The following KCNMA1 variants were observed in gnomAD, a reference collection of about 807,000 sequenced individuals.
KCNMA1 encodes the protein Calcium-activated potassium channel subunit alpha-1.
Under a neutral mutation model 140.0 loss-of-function variants are expected in KCNMA1, and 29 were observed. The observed-to-expected ratio is 0.21, with a 90% CI of 0.15 to 0.28. The LOEUF (loss-of-function observed/expected upper bound fraction) is 0.28. Among genes scored for constraint, KCNMA1 ranks in the 10% least tolerant of loss-of-function variants. The pLI, the probability that KCNMA1 is intolerant of heterozygous loss-of-function variation, is 1.00. For missense variants in KCNMA1, 880 were observed against 1,602.2 expected, an observed-to-expected ratio of 0.55 and a Z score of 7.70; for synonymous variants, 612 against 611.9, an observed-to-expected ratio of 1.00 and a Z score of 0.00.
At position 77,108,329 on chromosome 10, in the gene KCNMA1, G is replaced by A. The variant is rs79298145; in HGVS notation, c.1223+152C>T. ...TTAAAAGTCCCGCCGAATTTATTCCGACTCAGGATGAGAGCAGCAATTTCG... is the reference window on the plus strand; with the variant it reads ...TTAAAAGTCCCGCCGAATTTATTCCAACTCAGGATGAGAGCAGCAATTTCG... On this transcript the variant is annotated intron_variant, in intron 9 of 27. Transcript: ENST00000286628. This position sits in a 1 kb window ranked among gnomAD's most constrained non-coding sequence, Gnocchi z 4.6. 918 of 1,548,290 alleles carry A rather than the reference G, an allele frequency of 5.9e-4. 1 individual carries two copies. The East Asian group carries it at 6.9e-3, about 12-fold the overall frequency.
intron 1 of KCNMA1, among the ~76,000 whole-genome samples, chr10:77,521,215 G>T (rs192357433): frequency 6.6e-6 from 1 of 152,318 alleles, no homozygotes; most frequent in East Asian, 1.9e-4. Context: ...TGTGGATAGG[G>T]TTCTAAATCA....
intron 26 of KCNMA1, among the ~76,000 whole-genome samples, chr10:76,890,143 G>A (rs1234855436): frequency 6.6e-6 from 1 of 152,176 alleles, no homozygotes; most frequent in African/African-American, 2.4e-5. Context: ...TGTTTCCCTA[G>A]GAGCCAGGGG....
chr10:77,263,413 A>G (rs1406273777), intron 2 of KCNMA1, among the ~76,000 whole-genome samples: 3 of 152,124 alleles, frequency 2.0e-5, no homozygotes, highest in African/African-American at 7.2e-5. Context: ...TGTTCCCTTC[A>G]TCCTATAACC....
intron 16 of KCNMA1, among the ~76,000 whole-genome samples, chr10:77,025,233 GGTGTGT>G (rs199865838): frequency 3.4e-5 from 2 of 59,314 alleles, no homozygotes; most frequent in Non-Finnish European, 6.3e-5. Flanking sequence ...GTTGGAGAGG[GGTGTGT>G]GTGTATATAT....
At chr10:77,043,090 G>A (rs896082769) in intron 14 of KCNMA1, among the ~76,000 whole-genome samples, 3 of 152,174 alleles carry the variant, frequency 2.0e-5, no homozygotes, top group Non-Finnish European at 2.9e-5. Context: ...ACTGAAAGTC[G>A]TATAACTGGA....
chr10:76,913,226 TAGA>T (rs2051101561), intron 24 of KCNMA1: 2 of 152,228 alleles, frequency 1.3e-5, no homozygotes. Flanking sequence ...TGTCTCTATT[TAGA>T]AGATCAATCC....
intron 2 of KCNMA1, chr10:77,315,585 AT>A (rs1439654189): frequency 6.6e-6 from 1 of 152,190 alleles, no homozygotes; most frequent in East Asian, 1.9e-4. Flanking sequence ...AGTAGCATCA[AT>A]TTACTGGAGA....
intron 2 of KCNMA1, among the ~76,000 whole-genome samples, chr10:77,366,867 G>A (rs911440052): frequency 1.3e-5 from 2 of 152,178 alleles, no homozygotes; most frequent in African/African-American, 2.4e-5. Context: ...TAGTTCCTAA[G>A]AGGATACTTT....
chr10:77,146,701 C>CAAAAAAAAAAAAAAAAA (rs5786266), intron 5 of KCNMA1, among the ~76,000 whole-genome samples: 1 of 64,186 alleles, frequency 1.6e-5, no homozygotes, highest in African/African-American at 6.5e-5. Flanking sequence ...GACTTCATCT[C>CAAAAAAAAAAAAAAAAA]AAAAAAAAAA....
chr10:77,504,354 T>A lies in KCNMA1; in HGVS notation c.379-100331A>T, dbSNP rs2045038242. ...CACTGCTCTTCAAGTGTAACCTTCA[T>A]CATAGTCTACACCCTGCAGAGGAGA... On this transcript the variant is annotated intron_variant, in intron 1 of 27. Coordinates refer to ENST00000286628, the MANE Select transcript of KCNMA1 (RefSeq NM_001161352.2). Among the ~76,000 whole-genome samples, 5 of 152,052 alleles carry A rather than the reference T, an allele frequency of 3.3e-5. No individual in the cohort carries two copies. The South Asian group carries it at 8.3e-4, about 25-fold the overall frequency.
At chr10:77,066,703 T>C (rs547662169) in intron 14 of KCNMA1, among the ~76,000 whole-genome samples, 1 of 152,216 alleles carries the variant, frequency 6.6e-6, no homozygotes, top group East Asian at 1.9e-4. Context: ...GTGAGGAATA[T>C]GTGCAGAAGT....
chr10:76,982,204 G>A (rs562663808), intron 19 of KCNMA1, among the ~76,000 whole-genome samples: 1 of 151,982 alleles, frequency 6.6e-6, no homozygotes, highest in African/African-American at 2.4e-5. Flanking sequence ...CATTAAATAC[G>A]AATATACGAA....
At chr10:77,352,621 GGTGTGT>G (rs10555644) in intron 2 of KCNMA1, among the ~76,000 whole-genome samples, 137 of 145,186 alleles carry the variant, frequency 9.4e-4, no homozygotes, top group South Asian at 1.3e-3. Flanking sequence ...TGCAGTACAG[GGTGTGT>G]GTGTGTGTGT....
At chr10:77,289,541 C>G (rs1191117133) in intron 2 of KCNMA1, among the ~76,000 whole-genome samples, 1 of 152,198 alleles carries the variant, frequency 6.6e-6, no homozygotes, top group African/African-American at 2.4e-5. Flanking sequence ...ACCACTCAAA[C>G]CCTGCCAAGC....
chr10:77,314,102 A>ACAT (rs2080103428), intron 2 of KCNMA1: 2 of 152,194 alleles, frequency 1.3e-5, no homozygotes, highest in East Asian at 3.8e-4. Flanking sequence ...CTATCAAAGT[A>ACAT]CATCACATGT....
chr10:77,509,995 T>C (rs978858009), intron 1 of KCNMA1, among the ~76,000 whole-genome samples: 4 of 151,336 alleles, frequency 2.6e-5, no homozygotes, highest in African/African-American at 9.7e-5. Flanking sequence ...ACAATCCCAC[T>C]GCTGCTGCTT....
At position 77,289,846 on chromosome 10, in the gene KCNMA1, C is replaced by T. The variant is rs140624167; in HGVS notation, c.541-38590G>A. Among the ~76,000 whole-genome samples, 19 of 152,030 alleles carry T rather than the reference C, an allele frequency of 1.2e-4. No homozygotes were observed. In the East Asian group the frequency reaches 2.7e-3, roughly 22 times the overall value. On this transcript the variant is annotated intron_variant, in intron 2 of 27. Transcript: ENST00000286628. ...CAAATTTCTACCTGTAGATATTGTT[C>T]GGCAAATAGGCAAGTTCAATTGATT...
chr10:77,312,996 A>C (rs1021071060), intron 2 of KCNMA1, among the ~76,000 whole-genome samples: 5 of 152,218 alleles, frequency 3.3e-5, no homozygotes, highest in Admixed American at 2.0e-4. Context: ...AACCATCCTC[A>C]GAAATCCAGA....
intron 2 of KCNMA1, among the ~76,000 whole-genome samples, chr10:77,393,337 C>T (rs1488021619): frequency 6.6e-6 from 1 of 152,204 alleles, no homozygotes; most frequent in Non-Finnish European, 1.5e-5. Context: ...CGTCTGTCTC[C>T]ATACCAGCCC....
Sources: gnomAD v4.1 joint callset for allele counts (sites outside exome capture counted in the v4.1 genomes callset) on GRCh38, gnomAD v4.1.1 for gene constraint, Gnocchi (gnomAD v3.1) non-coding constraint, MANE v1.5 for transcripts, NCBI Gene and HGNC (gene_info 2026-07-23, HGNC 2026-07-21) for gene names.